BCO1: variants seen among roughly 807,000 people sequenced by gnomAD.
The protein encoded by BCO1 is beta,beta-carotene 15,15'-dioxygenase.
In BCO1, 54 loss-of-function variants were observed where a neutral mutation model predicts 56.3. The observed-to-expected ratio is 0.96, with a 90% CI of 0.77 to 1.20. The LOEUF (loss-of-function observed/expected upper bound fraction) is 1.20, where lower values mean the gene tolerates loss of function less well. Ranked by LOEUF, BCO1 falls within the 50% of genes most tolerant of loss-of-function variation. The pLI is 0.00. For missense variants in BCO1, 801 were observed against 690.9 expected (o/e 1.16, Z -1.79); for synonymous variants, 318 against 266.1 (o/e 1.20, Z -1.90).
chr16:81,268,659 A>T (rs543747949), intron 6 of BCO1, among the ~76,000 whole-genome samples: 1 of 152,308 alleles, frequency 6.6e-6, no homozygotes, highest in African/African-American at 2.4e-5. Context: ...GTATATGCAC[A>T]TATGCATGTA....
chr16:81,241,708 C>T (rs1008264887), intron 1 of BCO1, among the ~76,000 whole-genome samples: 3 of 152,158 alleles, frequency 2.0e-5, no homozygotes, highest in African/African-American at 7.2e-5. Context: ...AGTGACTTGC[C>T]AAGGCCAGGC....
chr16:81,271,702 T>C (rs1477258352), intron 7 of BCO1, among the ~76,000 whole-genome samples: 1 of 152,226 alleles, frequency 6.6e-6, no homozygotes, highest in South Asian at 2.1e-4. Context: ...CTCATCTGTG[T>C]TGTAGTCCGT....
At chr16:81,289,984 C>A (rs1271821123) in intron 10 of BCO1, among the ~76,000 whole-genome samples, 1 of 152,244 alleles carries the variant, frequency 6.6e-6, no homozygotes, top group African/African-American at 2.4e-5. Context: ...TGGCTTCAGT[C>A]TACTGAGTAG....
chr16:81,240,800 C>T (rs1317991375), intron 1 of BCO1, among the ~76,000 whole-genome samples: 3 of 150,962 alleles, frequency 2.0e-5, no homozygotes, highest in Admixed American at 6.6e-5. Flanking sequence ...AAAATAATCG[C>T]GGTTTTTGCC....
At chr16:81,268,550 G>T (rs1906980310) in intron 6 of BCO1, among the ~76,000 whole-genome samples, 1 of 152,186 alleles carries the variant, frequency 6.6e-6, no homozygotes. Context: ...TTTAGACATT[G>T]TAATGACAGT....
chr16:81,247,768 T>A (rs1905510872), intron 2 of BCO1, among the ~76,000 whole-genome samples: 2 of 151,988 alleles, frequency 1.3e-5, no homozygotes, highest in Non-Finnish European at 2.9e-5. Flanking sequence ...TCAGGTGATC[T>A]GCCCACCTCG....
intron 2 of BCO1, among the ~76,000 whole-genome samples, chr16:81,254,633 G>A (rs545156840): frequency 8.5e-5 from 13 of 152,146 alleles, no homozygotes; most frequent in South Asian, 2.1e-4. Context: ...GGGAGTCATT[G>A]CCACTGGAAT....
chr16:81,273,001 G>A (rs1907330792), intron 7 of BCO1, among the ~76,000 whole-genome samples: 1 of 151,900 alleles, frequency 6.6e-6, no homozygotes, highest in Admixed American at 6.6e-5. Context: ...ATGGAGTCTT[G>A]TTGTGTCACC....
At chr16:81,281,258 C>T (rs1567464023) in intron 8 of BCO1, among the ~76,000 whole-genome samples, 2 of 152,136 alleles carry the variant, frequency 1.3e-5, no homozygotes, top group Non-Finnish European at 2.9e-5. Context: ...CCAGCCTGAG[C>T]AACATGGCGA....
rs1907719974 is a variant in BCO1 at position 81,279,124 on chromosome 16, A to G, written c.1102-1733A>G. 3.3e-5 allele frequency among the ~76,000 whole-genome samples: 5 copies of G among 151,770 alleles called. No individual in the cohort carries two copies. In the South Asian group the frequency reaches 1.0e-3, roughly 32 times the overall value. On this transcript the variant is annotated intron_variant, in intron 7 of 10. Coordinates refer to ENST00000258168, the MANE Select transcript of BCO1 (RefSeq NM_017429.3). The stretch of plus-strand genomic sequence containing the variant: ...AGACCCTGTCTCTACAAAAAATACA[A>G]AAATTAACCAAGGATGGTGACGCAT...
chr16:81,280,149 G>C (rs1907782139), intron 7 of BCO1, among the ~76,000 whole-genome samples: 1 of 151,504 alleles, frequency 6.6e-6, no homozygotes, highest in African/African-American at 2.4e-5. Flanking sequence ...TGTAATCCCA[G>C]CTACTCTGGA....
intron 2 of BCO1, among the ~76,000 whole-genome samples, chr16:81,254,783 C>T (rs780335466): frequency 2.6e-5 from 4 of 152,058 alleles, no homozygotes; most frequent in Admixed American, 6.6e-5. Flanking sequence ...GGCTAGCGTT[C>T]AGGGGGCTGC....
At chr16:81,265,923 C>T in intron 5 of BCO1, among the ~76,000 whole-genome samples, 1 of 151,580 alleles carries the variant, frequency 6.6e-6, no homozygotes, top group Non-Finnish European at 1.5e-5. Flanking sequence ...CTACCATGTG[C>T]ATCTACCACC....
At chr16:81,284,899 C>T (rs956120522) in intron 8 of BCO1, among the ~76,000 whole-genome samples, 3 of 150,286 alleles carry the variant, frequency 2.0e-5, no homozygotes, top group Admixed American at 1.3e-4. Flanking sequence ...TGAAGTGGCA[C>T]GATCTCGGCT....
In BCO1 at chr16:81,285,586, C is replaced by A; in HGVS notation, c.1254C>A (p.Tyr418Ter). ...ATTATGCTCACAATGGAAAGCAATACCGATATGTCTTTGCTACAGGAGTTC... is the reference window on the plus strand; with the variant it reads ...ATTATGCTCACAATGGAAAGCAATAACGATATGTCTTTGCTACAGGAGTTC... The part of the protein sequence containing the change: ...RVNYAHNGKQ[Y>*]RYVFATGVQW... The change falls in exon 9 of 11, where the codon TAC (tyrosine) becomes TAA (stop). Residue 418 changes from tyrosine (Y) to a stop codon, truncating the protein, a stop_gained. Coordinates refer to ENST00000258168, the MANE Select transcript of BCO1 (RefSeq NM_017429.3). LOFTEE classifies it high-confidence loss of function. 6.2e-7 allele frequency: 1 copy of A among 1,613,870 alleles called. No individual in the cohort carries two copies. Among genetic ancestry groups the A allele is most frequent in the Non-Finnish European group, 8.5e-7 (1 of 1,179,720 alleles).
chr16:81,258,384 C>G (rs1213573822), intron 2 of BCO1, among the ~76,000 whole-genome samples: 1 of 152,236 alleles, frequency 6.6e-6, no homozygotes, highest in East Asian at 1.9e-4. Context: ...ACATTGAACA[C>G]AGGTCTGACC....
chr16:81,267,411 G>A lies in BCO1; in HGVS notation c.620-497G>A, dbSNP rs553287114. 3.0e-4 allele frequency among the ~76,000 whole-genome samples: 46 copies of A among 152,284 alleles called. No homozygotes were observed. In the South Asian group the frequency reaches 7.7e-3, roughly 25 times the overall value. On this transcript the variant is annotated intron_variant, in intron 5 of 10. Transcript: ENST00000258168. ...GCAGATCACCTGAGGTCAGGAGTTC[G>A]AGAACAGCCTGGCCAACATGGCAAA...
chr16:81,248,689 T>C (rs1484777084), intron 2 of BCO1, among the ~76,000 whole-genome samples: 1 of 152,084 alleles, frequency 6.6e-6, no homozygotes, highest in African/African-American at 2.4e-5. Flanking sequence ...AAATAAATAC[T>C]GTTCTGGATG....
Position 81,264,774 on chromosome 16 carries a change from T to C in BCO1, c.606T>C (p.Pro202=). 1.2e-6 allele frequency: 2 copies of C among 1,614,122 alleles called. No individual in the cohort carries two copies. Among genetic ancestry groups the C allele is most frequent in the Non-Finnish European group, 1.7e-6 (2 of 1,180,008 alleles). Residue 202 remains proline, a synonymous_variant, in exon 5 of 11, where the codon CCT becomes CCC. Coordinates refer to ENST00000258168, the MANE Select transcript of BCO1 (RefSeq NM_017429.3). ...GKTKYVIFKI[P]ATVPEGKKQG... is the part of the protein sequence containing the mutation. ...CAAAGTATGTGATTTTTAAGATCCC[T>C]GCCACAGTACCAGGTAGGCCACTCT...
Sources: allele counts gnomAD v4.1 joint callset (sites outside exome capture counted in the v4.1 genomes callset), GRCh38; gene constraint gnomAD v4.1.1; transcripts MANE v1.5; gene names NCBI Gene and HGNC (gene_info 2026-07-23, HGNC 2026-07-21).